Variants in ALDH1A2 observed in about 807,000 individuals in gnomAD.
ALDH1A2 encodes the protein aldehyde dehydrogenase 1 family member A2, also known as retinal dehydrogenase 2.
ALDH1A2 carries 27 observed loss-of-function variants against 60.3 expected under a neutral mutation model. The ratio of observed to expected loss-of-function variants is 0.45; its 90% CI spans 0.33 to 0.62. ALDH1A2 has a LOEUF of 0.62. Among genes scored for constraint, ALDH1A2 ranks in the 20% least tolerant of loss-of-function variants. ALDH1A2 has a pLI of 0.02. For missense variants in ALDH1A2, 581 were observed against 643.8 expected (o/e 0.90, Z 1.06); for synonymous variants, 289 against 232.4 (o/e 1.24, Z -2.21).
chr15:58,055,877 T>C (rs1896882446), intron 1 of ALDH1A2, among the ~76,000 whole-genome samples: 1 of 149,276 alleles, frequency 6.7e-6, no homozygotes, highest in South Asian at 2.1e-4. Context: ...TATTCTTGAA[T>C]AATGTAGAGT....
intron 1 of ALDH1A2, among the ~76,000 whole-genome samples, chr15:58,034,556 G>C (rs1896327210): frequency 6.6e-6 from 1 of 151,696 alleles, no homozygotes. Flanking sequence ...TAGTGGGAAA[G>C]CATCTAGTTT....
At position 58,060,459 on chromosome 15, in the gene ALDH1A2, ATATCTT is replaced by A. The variant is rs1566964182; in HGVS notation, c.117+5069_117+5074del. Among the ~76,000 whole-genome samples, 57 of 136,192 alleles carry A rather than the reference ATATCTT, an allele frequency of 4.2e-4. No individual in the cohort carries two copies. The South Asian group carries it at 5.0e-3, about 12-fold the overall frequency. 89.3% of individuals were successfully genotyped at this position (136,192 alleles called of 152,430 possible). A position where few individuals can be genotyped will look rare whatever the true frequency, so the allele number is the denominator to read the frequency against. ...GAAGAAACTCTTTAAGATGCCACAC[ATATCTT>A]TTTTTTTTTTTTTTTTTTTTTGTGC... On this transcript the variant is annotated intron_variant, in intron 1 of 12. Coordinates refer to ENST00000249750, the MANE Select transcript of ALDH1A2 (RefSeq NM_003888.4).
intron 12 of ALDH1A2, 67 bp downstream of exon 12, chr15:57,960,703 T>C (rs1288819856): frequency 1.7e-5 from 23 of 1,375,574 alleles, no homozygotes; most frequent in Non-Finnish European, 2.2e-5. Context: ...AACTATTTTT[T>C]AAGTACTGCT....
At chr15:58,001,769 T>C (rs564354005) in intron 4 of ALDH1A2, among the ~76,000 whole-genome samples, 1 of 151,952 alleles carries the variant, frequency 6.6e-6, no homozygotes, top group South Asian at 2.1e-4. Context: ...GATACTCCAT[T>C]GTAGGGTATG....
chr15:57,958,874 G>A (rs1320296326), intron 12 of ALDH1A2, among the ~76,000 whole-genome samples: 1 of 152,158 alleles, frequency 6.6e-6, no homozygotes, highest in African/African-American at 2.4e-5. Flanking sequence ...TCTCATCAAA[G>A]AACAGCATTT....
At chr15:58,004,614 AT>A (rs1895385068) in intron 4 of ALDH1A2, among the ~76,000 whole-genome samples, 1 of 151,510 alleles carries the variant, frequency 6.6e-6, no homozygotes, top group Non-Finnish European at 1.5e-5. Context: ...TTATTTCAGT[AT>A]AATGGCCTCC....
At chr15:58,019,740 G>A (rs915804820) in intron 1 of ALDH1A2, among the ~76,000 whole-genome samples, 3 of 152,158 alleles carry the variant, frequency 2.0e-5, no homozygotes, top group African/African-American at 7.2e-5. Flanking sequence ...TAAAAAGACA[G>A]AATGATAGGC....
intron 12 of ALDH1A2, among the ~76,000 whole-genome samples, chr15:57,958,733 A>C (rs1023913286): frequency 1.3e-5 from 2 of 152,208 alleles, no homozygotes; most frequent in African/African-American, 4.8e-5. Flanking sequence ...TTGGGGACCA[A>C]GACAGAGCAG....
chr15:58,042,070 T>A (rs1896531196), intron 1 of ALDH1A2, among the ~76,000 whole-genome samples: 1 of 151,944 alleles, frequency 6.6e-6, no homozygotes, highest in Non-Finnish European at 1.5e-5. Flanking sequence ...GACACAAACA[T>A]TCAGACTGTA....
At chr15:57,966,086 A>T (rs34033407) in intron 7 of ALDH1A2, among the ~76,000 whole-genome samples, 235 of 152,362 alleles carry the variant, frequency 1.5e-3, no homozygotes, top group African/African-American at 5.4e-3. Context: ...CTGGAATCTT[A>T]ATCACTGAAA....
chr15:57,982,683 G>GC (rs1894555933), intron 7 of ALDH1A2, among the ~76,000 whole-genome samples: 1 of 152,204 alleles, frequency 6.6e-6, no homozygotes, highest in South Asian at 2.1e-4. Flanking sequence ...CTTATGACAA[G>GC]CCATCTGCAT....
intron 1 of ALDH1A2, among the ~76,000 whole-genome samples, chr15:58,029,979 A>G (rs1176488032): frequency 6.6e-6 from 1 of 152,238 alleles, no homozygotes; most frequent in African/African-American, 2.4e-5. Context: ...ATCTGGTACC[A>G]TTCCTTCTGA....
At chr15:58,058,349 C>A (rs1366987671) in intron 1 of ALDH1A2, among the ~76,000 whole-genome samples, 3 of 150,928 alleles carry the variant, frequency 2.0e-5, no homozygotes, top group Non-Finnish European at 4.4e-5. Flanking sequence ...CCTAAACTCA[C>A]AATATTTCGC....
intron 1 of ALDH1A2, among the ~76,000 whole-genome samples, chr15:58,017,403 C>CA (rs1895817021): frequency 6.6e-6 from 1 of 152,074 alleles, no homozygotes; most frequent in South Asian, 2.1e-4. Flanking sequence ...TTGGGTTGCT[C>CA]AATCTGATTG....
rs769664771 is a variant in ALDH1A2 at position 57,993,068 on chromosome 15, G to A, written c.561C>T (p.Asn187=). Residue 187 remains asparagine, a synonymous_variant, in exon 6 of 13, where the codon AAC becomes AAT. Transcript: ENST00000249750. ...IGVCGQIIPW[N]FPLLMFAWKI... ...TCCAGGCAAACATCAGCAGGGGGAA[G>A]TTCCACTGAAAGGAAAAAACTCAAA... 5 of 1,612,218 alleles carry A rather than the reference G, an allele frequency of 3.1e-6. No individual in the cohort carries two copies. The South Asian group carries it at 5.5e-5, about 18-fold the overall frequency.
rs1322392628 is a variant in ALDH1A2 at position 57,953,933 on chromosome 15, T to G, written c.*1264A>C. 1 of 152,412 alleles carries G rather than the reference T, an allele frequency of 6.6e-6. No individual in the cohort carries two copies. The highest frequency in any genetic ancestry group is 1.5e-5 in the Non-Finnish European group (1 of 68,062). The allele number at this position is 152,412 out of a possible 1,614,324, so 9.4% of individuals were successfully genotyped here. A position where few individuals can be genotyped will look rare whatever the true frequency, so the allele number is the denominator to read the frequency against. On this transcript the variant is annotated 3_prime_UTR_variant, in exon 13 of 13. Transcript: ENST00000249750. ...TCCCACATCAAACTGGTGGAGTCAC[T>G]GGAAAGCAGAAGAGGAGTATGTGGA...
At chr15:58,017,199 T>A (rs1187591670) in intron 1 of ALDH1A2, among the ~76,000 whole-genome samples, 2 of 152,172 alleles carry the variant, frequency 1.3e-5, no homozygotes, top group African/African-American at 4.8e-5. Context: ...AGGAAGGACT[T>A]CATCATTTAG....
chr15:58,045,068 C>T (rs1896604232), intron 1 of ALDH1A2, among the ~76,000 whole-genome samples: 1 of 151,996 alleles, frequency 6.6e-6, no homozygotes, highest in South Asian at 2.1e-4. Context: ...CAAACAACCC[C>T]ATTAAAAAGT....
intron 12 of ALDH1A2, among the ~76,000 whole-genome samples, chr15:57,957,530 C>T (rs1893569516): frequency 1.3e-5 from 2 of 152,192 alleles, no homozygotes; most frequent in Non-Finnish European, 2.9e-5. Context: ...TTTTGTGGCA[C>T]ATACAGTTAA....
Sources: allele counts gnomAD v4.1 joint callset (sites outside exome capture counted in the v4.1 genomes callset), GRCh38; gene constraint gnomAD v4.1.1; transcripts MANE v1.5; gene names NCBI Gene and HGNC (gene_info 2026-07-23, HGNC 2026-07-21).